MDGA2: variants seen among roughly 807,000 people sequenced by gnomAD.
The protein encoded by MDGA2 is MAM domain-containing glycosylphosphatidylinositol anchor protein 2.
In MDGA2, 40 loss-of-function variants were observed where a neutral mutation model predicts 117.8. The ratio of observed to expected loss-of-function variants is 0.34; its 90% CI spans 0.26 to 0.44. The LOEUF (loss-of-function observed/expected upper bound fraction) is 0.44. Ranked by LOEUF, MDGA2 falls within the 20% of genes least tolerant of loss-of-function variation. The probability of loss-of-function intolerance (pLI) is 1.00; values close to 1 mark genes in which losing one functional copy is unlikely to be tolerated. For synonymous variants in MDGA2, 452 were observed against 439.0 expected (o/e 1.03, Z -0.37); for missense variants, 1,123 against 1,250.6 (o/e 0.90, Z 1.54).
chr14:47,362,865 T>A (rs1891152976), intron 1 of MDGA2, among the ~76,000 whole-genome samples: 1 of 152,182 alleles, frequency 6.6e-6, no homozygotes, highest in Admixed American at 6.5e-5. Context: ...TATTAGTGTA[T>A]TGAACACTGT....
At chr14:47,672,439 G>C (rs1898091593) in intron 1 of MDGA2, among the ~76,000 whole-genome samples, 1 of 152,174 alleles carries the variant, frequency 6.6e-6, no homozygotes, top group African/African-American at 2.4e-5. Context: ...TTCTCTGCTA[G>C]ATCTTACCCT....
At chr14:47,249,008 TTTG>T (rs1218531490) in intron 2 of MDGA2, among the ~76,000 whole-genome samples, 4 of 140,416 alleles carry the variant, frequency 2.8e-5, no homozygotes, top group East Asian at 2.4e-4. Flanking sequence ...TTCTTTCTTT[TTTG>T]TTGTTGTTGT....
chr14:47,275,803 T>C (rs1180624028), intron 2 of MDGA2, among the ~76,000 whole-genome samples: 1 of 152,182 alleles, frequency 6.6e-6, no homozygotes, highest in Non-Finnish European at 1.5e-5. Flanking sequence ...TCATCTTATC[T>C]TACAGGAGAG....
intron 1 of MDGA2, among the ~76,000 whole-genome samples, chr14:47,616,551 T>C (rs1490839208): frequency 6.6e-6 from 1 of 152,156 alleles, no homozygotes; most frequent in Non-Finnish European, 1.5e-5. Flanking sequence ...CGCTCTTCTA[T>C]ATGCTTCTCC....
intron 9 of MDGA2, among the ~76,000 whole-genome samples, chr14:46,936,819 A>G (rs1442977208): frequency 6.6e-6 from 1 of 152,190 alleles, no homozygotes; most frequent in African/African-American, 2.4e-5. Flanking sequence ...ATATAGGACA[A>G]ACCCACAGCT....
At chr14:46,982,705 C>CAAA (rs59530070) in intron 8 of MDGA2, among the ~76,000 whole-genome samples, 18 of 45,932 alleles carry the variant, frequency 3.9e-4, no homozygotes, top group East Asian at 2.0e-3. Flanking sequence ...GAGACTCCAT[C>CAAA]AAAAAAAAAA....
chr14:47,394,449 A>G (rs1488878760), intron 1 of MDGA2, among the ~76,000 whole-genome samples: 1 of 152,190 alleles, frequency 6.6e-6, no homozygotes, highest in Non-Finnish European at 1.5e-5. Flanking sequence ...CAACTGTGAT[A>G]GCAATTTAAC....
chr14:47,222,489 T>C (rs1278487696), intron 2 of MDGA2, among the ~76,000 whole-genome samples: 1 of 152,038 alleles, frequency 6.6e-6, no homozygotes, highest in African/African-American at 2.4e-5. Context: ...AACACGCAAT[T>C]GCAGTAGAAA....
At chr14:47,257,820 G>C (rs1887672697) in intron 2 of MDGA2, among the ~76,000 whole-genome samples, 1 of 152,110 alleles carries the variant, frequency 6.6e-6, no homozygotes, top group Non-Finnish European at 1.5e-5. Flanking sequence ...GTGTTTTGTA[G>C]CACTGGTCTC....
At chr14:47,423,230 A>T (rs2138511038) in intron 1 of MDGA2, among the ~76,000 whole-genome samples, 1 of 152,330 alleles carries the variant, frequency 6.6e-6, no homozygotes, top group East Asian at 1.9e-4. Context: ...CTTATTGGTC[A>T]TAAAAATAAT....
At chr14:46,928,120 G>A (rs1480026967) in intron 9 of MDGA2, among the ~76,000 whole-genome samples, 1 of 151,930 alleles carries the variant, frequency 6.6e-6, no homozygotes, top group African/African-American at 2.4e-5. Flanking sequence ...AAAAATAAAT[G>A]TCTCATTTCC....
intron 1 of MDGA2, chr14:47,343,289 C>G: frequency 1.8e-6 from 2 of 1,121,702 alleles, no homozygotes; most frequent in Non-Finnish European, 2.2e-6. Flanking sequence ...GCAATGTTAA[C>G]TAAGTTCTAA....
chr14:47,491,659 T>A (rs1158162545), intron 1 of MDGA2, among the ~76,000 whole-genome samples: 2 of 152,150 alleles, frequency 1.3e-5, no homozygotes, highest in African/African-American at 2.4e-5. Context: ...ATCCCAGATA[T>A]ACAGCCATGA....
rs556126487 is a variant in MDGA2 at position 47,509,517 on chromosome 14, C to T, written c.280+165000G>A. Among the ~76,000 whole-genome samples the T allele has an allele frequency of 2.4e-4, 36 of 152,216 alleles. No homozygotes were observed. In the South Asian group the frequency reaches 6.4e-3, roughly 27 times the overall value. The stretch of plus-strand genomic sequence containing the variant: ...TCCACCTACCTTTCAAAGGATATGA[C>T]GACCTGGCACAGCCACAGGTGTGGG... On this transcript the variant is annotated intron_variant, in intron 1 of 16. Coordinates refer to ENST00000399232, the MANE Select transcript of MDGA2 (RefSeq NM_001113498.3).
intron 2 of MDGA2, among the ~76,000 whole-genome samples, chr14:47,244,270 T>A (rs1031997745): frequency 6.6e-6 from 1 of 151,900 alleles, no homozygotes; most frequent in African/African-American, 2.4e-5. Flanking sequence ...CAATTAATTT[T>A]AAAGTATTTA....
intron 1 of MDGA2, among the ~76,000 whole-genome samples, chr14:47,468,287 G>C (rs1157291289): frequency 2.0e-5 from 3 of 152,122 alleles, no homozygotes; most frequent in Admixed American, 2.0e-4. Flanking sequence ...AAAGAGTAAT[G>C]AATAGATTTC....
intron 1 of MDGA2, among the ~76,000 whole-genome samples, chr14:47,386,763 T>A (rs922661123): frequency 6.6e-6 from 1 of 152,160 alleles, no homozygotes; most frequent in South Asian, 2.1e-4. Context: ...GGACTATATA[T>A]GGGCTGCAGC....
intron 9 of MDGA2, among the ~76,000 whole-genome samples, chr14:46,932,263 AAAGG>A (rs1260572918): frequency 6.6e-6 from 1 of 152,068 alleles, no homozygotes; most frequent in African/African-American, 2.4e-5. Context: ...AAAAAAAAAG[AAAGG>A]AAGATCTTTA....
At chr14:46,984,274 A>G (rs1349216534) in intron 8 of MDGA2, among the ~76,000 whole-genome samples, 1 of 152,026 alleles carries the variant, frequency 6.6e-6, no homozygotes, top group Non-Finnish European at 1.5e-5. Flanking sequence ...CTCTTCCTTA[A>G]TAATGTTCAG....
Sources: allele counts gnomAD v4.1 joint callset (sites outside exome capture counted in the v4.1 genomes callset), GRCh38; gene constraint gnomAD v4.1.1; transcripts MANE v1.5; gene names NCBI Gene and HGNC (gene_info 2026-07-23, HGNC 2026-07-21).